TBL1XR1: variants seen among roughly 807,000 people sequenced by gnomAD.
TBL1XR1 encodes the protein TBL1X/Y related 1.
TBL1XR1 carries 5 observed loss-of-function variants against 66.9 expected under a neutral mutation model. The ratio of observed to expected loss-of-function variants is 0.07; its 90% CI spans 0.04 to 0.16. The LOEUF (loss-of-function observed/expected upper bound fraction) is 0.16. TBL1XR1 is among the 10% of genes least tolerant of loss of function. The pLI, the probability that TBL1XR1 is intolerant of heterozygous loss-of-function variation, is 1.00. For synonymous variants in TBL1XR1, 210 were observed against 206.0 expected, an observed-to-expected ratio of 1.02 and a Z score of -0.17; for missense variants, 238 against 623.2, an observed-to-expected ratio of 0.38 and a Z score of 6.58.
intron 1 of TBL1XR1, among the ~76,000 whole-genome samples, chr3:177,128,717 T>G (rs1158944573): frequency 6.6e-6 from 1 of 152,218 alleles, no homozygotes; most frequent in Non-Finnish European, 1.5e-5. Context: ...GCAAATATCT[T>G]TTCTATTTCT....
At chr3:177,088,585 G>A (rs1212756817) in intron 2 of TBL1XR1, among the ~76,000 whole-genome samples, 2 of 151,996 alleles carry the variant, frequency 1.3e-5, no homozygotes, top group Non-Finnish European at 2.9e-5. Flanking sequence ...TGCCTTTCAC[G>A]TGATACTACA....
In TBL1XR1 at chr3:177,072,999, G is replaced by C. The variant is rs367588544; in HGVS notation, c.-45-7977C>G. 1.9e-4 allele frequency among the ~76,000 whole-genome samples: 29 copies of C among 152,228 alleles called. No individual in the cohort carries two copies. The East Asian group carries it at 2.5e-3, about 13-fold the overall frequency. On this transcript the variant is annotated intron_variant, in intron 2 of 15. Coordinates refer to ENST00000457928, the MANE Select transcript of TBL1XR1 (RefSeq NM_024665.7). ...GAATCGCTTGAACCCAGGAGGTGGA[G>C]GTTGCAGTGAGCCAAGACAGGACCA...
chr3:177,173,277 T>C (rs1733777730), intron 1 of TBL1XR1, among the ~76,000 whole-genome samples: 1 of 152,234 alleles, frequency 6.6e-6, no homozygotes, highest in African/African-American at 2.4e-5. Flanking sequence ...CTTTTCCCTC[T>C]AGTACGTAGA....
At chr3:177,158,731 C>T (rs997029170) in intron 1 of TBL1XR1, among the ~76,000 whole-genome samples, 27 of 152,184 alleles carry the variant, frequency 1.8e-4, no homozygotes, top group African/African-American at 6.3e-4. Context: ...TCATCTGTGG[C>T]GCTTTAGGGA....
chr3:177,194,123 CTT>C (rs1020629135), intron 1 of TBL1XR1: 2 of 152,186 alleles, frequency 1.3e-5, no homozygotes, highest in African/African-American at 2.4e-5. Flanking sequence ...CTCTCAGAGT[CTT>C]TTCTTTTTAA....
intron 1 of TBL1XR1, among the ~76,000 whole-genome samples, chr3:177,185,618 A>C (rs1735311666): frequency 6.6e-6 from 1 of 151,394 alleles, no homozygotes; most frequent in Non-Finnish European, 1.5e-5. Context: ...AAAAAAAAAA[A>C]CCAGTATTTT....
chr3:177,106,586 CCT>C (rs530698322), intron 1 of TBL1XR1, among the ~76,000 whole-genome samples: 153 of 152,300 alleles, frequency 1.0e-3, no homozygotes, highest in African/African-American at 3.6e-3. Context: ...AACTAGATAA[CCT>C]CTCTCAGTGC....
At chr3:177,034,078 A>T in intron 13 of TBL1XR1, 120 bp downstream of exon 13, 1 of 1,157,132 alleles carries the variant, frequency 8.6e-7, no homozygotes, top group South Asian at 1.5e-5. Context: ...AACTACTGAA[A>T]TTGGAAAAAA....
At chr3:177,075,463 T>C (rs1720585824) in intron 2 of TBL1XR1, among the ~76,000 whole-genome samples, 1 of 152,254 alleles carries the variant, frequency 6.6e-6, no homozygotes, top group African/African-American at 2.4e-5. Flanking sequence ...CCTCAACATA[T>C]CTTTGTGGGG....
chr3:177,107,262 T>G (rs1438851261), intron 1 of TBL1XR1, among the ~76,000 whole-genome samples: 1 of 152,230 alleles, frequency 6.6e-6, no homozygotes, highest in East Asian at 1.9e-4. Context: ...CCACTACTGA[T>G]GAACTCAAAG....
At chr3:177,077,003 C>CT (rs1352782386) in intron 2 of TBL1XR1, among the ~76,000 whole-genome samples, 1 of 152,178 alleles carries the variant, frequency 6.6e-6, no homozygotes, top group East Asian at 1.9e-4. Context: ...CGAGCATGTC[C>CT]TATATGGGGT....
chr3:177,135,381 A>ATG (rs55882504), intron 1 of TBL1XR1, among the ~76,000 whole-genome samples: 1 of 21,522 alleles, frequency 4.6e-5, no homozygotes, highest in African/African-American at 3.3e-4. Context: ...ATATATATAT[A>ATG]TGTATGTATT....
rs570680876 is a variant in TBL1XR1, at chr3:177,019,404, A to G, written c.*6094T>C. 6.6e-6 allele frequency: 1 copy of G among 152,288 alleles called. No individual in the cohort carries two copies. The highest frequency in any genetic ancestry group is 2.1e-4 in the South Asian group (1 of 4,826). The allele number at this position is 152,288 out of a possible 1,614,324, so 9.4% of individuals were successfully genotyped here. A position where few individuals can be genotyped will look rare whatever the true frequency, so the allele number is the denominator to read the frequency against. On this transcript the variant is annotated 3_prime_UTR_variant, in exon 16 of 16. Transcript: ENST00000457928. ...TTAATATATTTTAAATTGTAAAGAA[A>G]TTACAAGGAACTCCTAAAAAAATTT...
At chr3:177,195,948 A>G (rs1736797855) in intron 1 of TBL1XR1, among the ~76,000 whole-genome samples, 1 of 152,166 alleles carries the variant, frequency 6.6e-6, no homozygotes, top group African/African-American at 2.4e-5. Flanking sequence ...AGAACACCTA[A>G]TTTTTAACTA....
At position 177,024,384 on chromosome 3, in the gene TBL1XR1, G is replaced by A. The variant is rs917781549; in HGVS notation, c.*1114C>T. On this transcript the variant is annotated 3_prime_UTR_variant, in exon 16 of 16. Coordinates refer to ENST00000457928, the MANE Select transcript of TBL1XR1 (RefSeq NM_024665.7). ...ACAACATGAGAGATTTTTAATACTG[G>A]AGTTTGGTTACATTACATATTTAAG... 1 of 152,378 alleles carries A rather than the reference G, an allele frequency of 6.6e-6. No individual in the cohort carries two copies. The highest frequency in any genetic ancestry group is 2.4e-5 in the African/African-American group (1 of 41,406). The allele number at this position is 152,378 out of a possible 1,614,324, so 9.4% of individuals were successfully genotyped here.
At chr3:177,130,084 G>A (rs1375309434) in intron 1 of TBL1XR1, among the ~76,000 whole-genome samples, 1 of 148,540 alleles carries the variant, frequency 6.7e-6, no homozygotes, top group African/African-American at 2.5e-5. Flanking sequence ...GGCGGAGGTT[G>A]CAGTGAGCCG....
intron 1 of TBL1XR1, 139 bp downstream of exon 1, chr3:177,196,979 TCCC>T (rs1736946858): frequency 6.7e-6 from 1 of 150,294 alleles, no homozygotes; most frequent in African/African-American, 2.5e-5. Context: ...CAAGCCCAGT[TCCC>T]CCAAGGGCCA....
At chr3:177,118,255 C>CGA (rs1456650830) in intron 1 of TBL1XR1, among the ~76,000 whole-genome samples, 1 of 152,104 alleles carries the variant, frequency 6.6e-6, no homozygotes, top group East Asian at 1.9e-4. Context: ...AGTTCTTGAA[C>CGA]ATTCATTCAT....
At chr3:177,156,134 A>T (rs1172726341) in intron 1 of TBL1XR1, among the ~76,000 whole-genome samples, 1 of 148,188 alleles carries the variant, frequency 6.7e-6, no homozygotes, top group Non-Finnish European at 1.5e-5. Context: ...AAAAACCTAG[A>T]ATTCATGAAA....
Sources: gnomAD v4.1 joint callset for allele counts (sites outside exome capture counted in the v4.1 genomes callset) on GRCh38, gnomAD v4.1.1 for gene constraint, MANE v1.5 for transcripts, NCBI Gene and HGNC (gene_info 2026-07-23, HGNC 2026-07-21) for gene names.